PCDHA13: variants seen among roughly 807,000 people sequenced by gnomAD.
The protein encoded by PCDHA13 is protocadherin alpha 13.
In PCDHA13, 54 loss-of-function variants were observed where a neutral mutation model predicts 64.8. The observed-to-expected ratio is 0.83, with a 90% CI of 0.67 to 1.04. PCDHA13 has a LOEUF of 1.04. PCDHA13 is among the 50% of genes least tolerant of loss of function. The pLI is 0.00. For synonymous variants in PCDHA13, 587 were observed against 564.4 expected, an observed-to-expected ratio of 1.04 and a Z score of -0.57; for missense variants, 1,248 against 1,254.3, an observed-to-expected ratio of 0.99 and a Z score of 0.08.
In PCDHA13 at chr5:141,012,060, A is replaced by T. The variant is rs919882671; in HGVS notation, c.*2123A>T. 3.9e-5 allele frequency: 6 copies of T among 153,766 alleles called. No individual in the cohort carries two copies. The highest frequency in any genetic ancestry group is 8.8e-5 in the Non-Finnish European group (6 of 68,040). 9.5% of individuals were successfully genotyped at this position (153,766 alleles called of 1,614,324 possible). ...GCATGGGGTAAAACTTGTTACCAAC[A>T]CATGTGAACCATTGCTACATTGTAG... On this transcript the variant is annotated 3_prime_UTR_variant, in exon 4 of 4. Transcript: ENST00000289272.
In PCDHA13 at chr5:140,882,650, G is replaced by A. The variant is rs782695823; in HGVS notation, c.382G>A (p.Asp128Asn). ...GGAGGTGAAGGTGAGGGACATTAAC[G>A]ACAACCCGCCCATATTCCCTGAAAG... is the stretch of plus-strand genomic sequence containing the variant. Reference protein sequence around the residue: ...HVEVKVRDINDNPPIFPESKK... With the variant: ...HVEVKVRDINNNPPIFPESKK... The change falls in exon 1 of 4, where the codon GAC becomes AAC. Residue 128 changes from aspartate to asparagine, a missense_variant. Asp to Asn is a conservative substitution (Grantham distance 23). Coordinates refer to ENST00000289272, the MANE Select transcript of PCDHA13 (RefSeq NM_018904.3). 8.1e-6 allele frequency: 13 copies of A among 1,614,212 alleles called. No individual in the cohort carries two copies. The highest frequency in any genetic ancestry group is 8.5e-6 in the Non-Finnish European group (10 of 1,180,042).
intron 1 of PCDHA13, among the ~76,000 whole-genome samples, chr5:140,952,656 T>A (rs1554220534): frequency 6.6e-6 from 1 of 152,188 alleles, no homozygotes; most frequent in Admixed American, 6.5e-5. Flanking sequence ...GTTACCCAGT[T>A]CCAAAGTCAC....
At chr5:140,915,841 G>A (rs1315300132) in intron 1 of PCDHA13, among the ~76,000 whole-genome samples, 1 of 152,098 alleles carries the variant, frequency 6.6e-6, no homozygotes, top group African/African-American at 2.4e-5. Context: ...GATCAGCAGG[G>A]GGTGACACCA....
chr5:140,980,608 G>A (rs994415170), intron 2 of PCDHA13, among the ~76,000 whole-genome samples: 6 of 151,850 alleles, frequency 4.0e-5, no homozygotes, highest in African/African-American at 7.3e-5. Context: ...CCAGCCTGGC[G>A]ACAGTGCGAG....
intron 1 of PCDHA13, among the ~76,000 whole-genome samples, chr5:140,907,985 A>T (rs1377305456): frequency 2.6e-5 from 4 of 152,178 alleles, no homozygotes; most frequent in East Asian, 1.9e-4. Flanking sequence ...GCTTCTTCCA[A>T]GTCCTTAACC....
rs2098420803 is a variant in PCDHA13, at chr5:141,011,492, A to G, written c.*1555A>G. 1 of 153,698 alleles carries G rather than the reference A, an allele frequency of 6.5e-6. No individual in the cohort carries two copies. Among genetic ancestry groups the G allele is most frequent in the African/African-American group, 2.4e-5 (1 of 41,432 alleles). 9.5% of individuals were successfully genotyped at this position (153,698 alleles called of 1,614,324 possible). A position where few individuals can be genotyped will look rare whatever the true frequency, so the allele number is the denominator to read the frequency against. On this transcript the variant is annotated 3_prime_UTR_variant, in exon 4 of 4. Transcript: ENST00000289272. ...AATTCCATTATATTTCCTTTTGTAC[A>G]CCTGTGAAAAAGTGGAGTAGTGTTT... is the stretch of plus-strand genomic sequence containing the variant.
chr5:140,886,753 G>A (rs1434667485), intron 1 of PCDHA13, among the ~76,000 whole-genome samples: 3 of 151,010 alleles, frequency 2.0e-5, no homozygotes, highest in African/African-American at 7.3e-5. Flanking sequence ...TTGAACCCGG[G>A]AGGTGGAGGT....
Position 140,883,627 on chromosome 5 carries a change from G to T in PCDHA13, c.1359G>T (p.Pro453=), listed in dbSNP as rs781902332. ...TGGCCGACGTGAACGACAACGCGCC[G>T]GCGTTCGCGCAGCCCGAGTACACGG... ...VGVADVNDNA[P]AFAQPEYTVF... The change falls in exon 1 of 4, where the codon CCG becomes CCT. Residue 453 remains proline, a synonymous_variant. Transcript: ENST00000289272. 4.8e-5 allele frequency: 78 copies of T among 1,613,816 alleles called. No individual in the cohort carries two copies. The highest frequency in any genetic ancestry group is 6.2e-5 in the Non-Finnish European group (73 of 1,179,896).
chr5:140,914,377 G>C (rs2076685968), intron 1 of PCDHA13, among the ~76,000 whole-genome samples: 1 of 152,090 alleles, frequency 6.6e-6, no homozygotes, highest in Non-Finnish European at 1.5e-5. Flanking sequence ...TATTTTATCT[G>C]TTATAAGTGT....
At chr5:140,895,935 C>T (rs922054631) in intron 1 of PCDHA13, among the ~76,000 whole-genome samples, 20 of 152,028 alleles carry the variant, frequency 1.3e-4, no homozygotes, top group African/African-American at 4.1e-4. Flanking sequence ...CTCAGCCTCC[C>T]GAGTAGCTGG....
At chr5:140,993,460 TCTCACACACACACA>T (rs1441171729) in intron 3 of PCDHA13, among the ~76,000 whole-genome samples, 1 of 104,506 alleles carries the variant, frequency 9.6e-6, no homozygotes, top group Non-Finnish European at 1.9e-5. Flanking sequence ...CTTCTTTCTT[TCTCACACACACACA>T]CACACACACA....
At position 140,882,438 on chromosome 5, in the gene PCDHA13, C is replaced by T. The variant is rs782795158; in HGVS notation, c.170C>T (p.Ala57Val). Residue 57 changes from alanine to valine, a missense_variant, in exon 1 of 4, where the codon GCG becomes GTG. By Grantham distance (64) the Ala-to-Val change is moderately conservative. Coordinates refer to ENST00000289272, the MANE Select transcript of PCDHA13 (RefSeq NM_018904.3). The part of the protein sequence containing the change: ...RIAQDLGLEL[A>V]ELVPRLFRVA... ...GCTCAGGACCTGGGGCTGGAGCTGG[C>T]GGAGCTGGTGCCGCGCCTGTTCCGG... 3.1e-6 allele frequency: 5 copies of T among 1,614,020 alleles called. No individual in the cohort carries two copies. The highest frequency in any genetic ancestry group is 4.2e-6 in the Non-Finnish European group (5 of 1,180,040).
chr5:140,890,776 A>T (rs1554184541), intron 1 of PCDHA13, among the ~76,000 whole-genome samples: 2 of 152,198 alleles, frequency 1.3e-5, no homozygotes, highest in Non-Finnish European at 2.9e-5. Context: ...TTAAAACCCC[A>T]TAAGATATTA....
chr5:140,927,401 G>A lies in PCDHA13; in HGVS notation c.2394+42739G>A, dbSNP rs782140870. On this transcript the variant is annotated intron_variant, in intron 1 of 3. Transcript: ENST00000289272. ...AGCCTAAGCCCCAGTCAGCACTTTCGCCTGGACATGGGATCGCGGGTTGAC... is the reference window on the plus strand; with the variant it reads ...AGCCTAAGCCCCAGTCAGCACTTTCACCTGGACATGGGATCGCGGGTTGAC... The A allele has an allele frequency of 1.9e-6, 3 of 1,614,192 alleles. No homozygotes were observed. Among genetic ancestry groups the A allele is most frequent in the Non-Finnish European group, 2.5e-6 (3 of 1,180,036 alleles).
At chr5:140,975,675 T>C (rs1047804393) in intron 1 of PCDHA13, among the ~76,000 whole-genome samples, 3 of 152,240 alleles carry the variant, frequency 2.0e-5, no homozygotes, top group Non-Finnish European at 2.9e-5. Context: ...AGTTTATTAA[T>C]AAAATAGGGT....
chr5:141,010,343 G>C lies in PCDHA13; in HGVS notation c.*406G>C. 1 of 1,518,858 alleles carries C rather than the reference G, an allele frequency of 6.6e-7. No homozygotes were observed. Among genetic ancestry groups the C allele is most frequent in the Admixed American group, 2.1e-5 (1 of 46,514 alleles). 94.1% of individuals were successfully genotyped at this position (1,518,858 alleles called of 1,614,324 possible). A position where few individuals can be genotyped will look rare whatever the true frequency, so the allele number is the denominator to read the frequency against. On this transcript the variant is annotated 3_prime_UTR_variant, in exon 4 of 4. Coordinates refer to ENST00000289272, the MANE Select transcript of PCDHA13 (RefSeq NM_018904.3). ...GCAGCTTGGGAGTTTGTGGCCACTGGGTATGTGTGGCTACCGCGGGTATGC... is the reference window on the plus strand; with the variant it reads ...GCAGCTTGGGAGTTTGTGGCCACTGCGTATGTGTGGCTACCGCGGGTATGC...
At chr5:140,988,856 C>G (rs1363693153) in intron 3 of PCDHA13, 1 of 152,180 alleles carries the variant, frequency 6.6e-6, no homozygotes, top group African/African-American at 2.4e-5. Context: ...CCTATCCAGT[C>G]TCATGTGCAC....
chr5:140,969,343 G>A (rs2096321775), intron 1 of PCDHA13: 23 of 1,613,728 alleles, frequency 1.4e-5, no homozygotes, highest in Non-Finnish European at 1.9e-5. Flanking sequence ...TGAGACAGTG[G>A]TCAGGGGGTC....
intron 1 of PCDHA13, among the ~76,000 whole-genome samples, chr5:140,888,289 C>T (rs543077496): frequency 1.3e-5 from 2 of 152,246 alleles, no homozygotes; most frequent in Admixed American, 1.3e-4. Flanking sequence ...CCTCTACCCC[C>T]TACCCAGGAG....
Sources: gnomAD v4.1 joint callset for allele counts (sites outside exome capture counted in the v4.1 genomes callset) on GRCh38, gnomAD v4.1.1 for gene constraint, MANE v1.5 for transcripts, NCBI Gene and HGNC (gene_info 2026-07-23, HGNC 2026-07-21) for gene names.